BCAT1: variants seen among roughly 807,000 people sequenced by gnomAD.
The protein encoded by BCAT1 is branched-chain-amino-acid aminotransferase, cytosolic.
In BCAT1, 48 loss-of-function variants were observed where a neutral mutation model predicts 52.4. That is an observed-to-expected ratio of 0.92 (90% CI 0.73 to 1.16). The LOEUF is 1.16. Among genes scored for constraint, BCAT1 ranks in the 50% most tolerant of loss-of-function variants. The probability of loss-of-function intolerance (pLI) is 0.00; values close to 1 mark genes in which losing one functional copy is unlikely to be tolerated. For missense variants in BCAT1, 451 were observed against 457.1 expected, an observed-to-expected ratio of 0.99 and a Z score of 0.12; for synonymous variants, 167 against 161.3, an observed-to-expected ratio of 1.04 and a Z score of -0.27.
rs569423349 is a variant in BCAT1 at position 24,845,950 on chromosome 12, C to T, written c.675-3726G>A. On this transcript the variant is annotated intron_variant, in intron 6 of 10. Transcript: ENST00000261192. ...TTTTTCTCATTCGTAGACACAACTA[C>T]GAAGTAGTGAAGCAGTGAAGTTTTA... Among the ~76,000 whole-genome samples the T allele has an allele frequency of 6.5e-4, 99 of 152,174 alleles. 1 individual carries two copies. Among genetic ancestry groups the T allele is most frequent in the African/African-American group, 2.4e-3 (98 of 41,498 alleles).
At chr12:24,880,031 C>T (rs1243212970) in intron 4 of BCAT1, among the ~76,000 whole-genome samples, 1 of 152,210 alleles carries the variant, frequency 6.6e-6, no homozygotes, top group Non-Finnish European at 1.5e-5. Context: ...ACCTTAATTT[C>T]CCCTCTGCTA....
chr12:24,812,124 T>A lies in BCAT1; in HGVS notation c.*5884A>T, dbSNP rs1180620163. 6.6e-6 allele frequency: 1 copy of A among 152,106 alleles called. No homozygotes were observed. The highest frequency in any genetic ancestry group is 1.9e-4 in the East Asian group (1 of 5,202). The allele number at this position is 152,106 out of a possible 1,614,324, so 9.4% of individuals were successfully genotyped here. On this transcript the variant is annotated 3_prime_UTR_variant, in exon 11 of 11. Coordinates refer to ENST00000261192, the MANE Select transcript of BCAT1 (RefSeq NM_005504.7). ...TCTGCACTCTTCAAAAACTTATTGA[T>A]GAAGTACAAATTGAGGCAGAAATTT...
In BCAT1 at chr12:24,813,967, T is replaced by C. The variant is rs1234819077; in HGVS notation, c.*4041A>G. 1 of 152,110 alleles carries C rather than the reference T, an allele frequency of 6.6e-6. No individual in the cohort carries two copies. The highest frequency in any genetic ancestry group is 1.9e-4 in the East Asian group (1 of 5,194). 9.4% of individuals were successfully genotyped at this position (152,110 alleles called of 1,614,324 possible). The stretch of plus-strand genomic sequence containing the variant: ...CTATTGTTGGTTATGTCAACATTTA[T>C]CAAATGAACTATTAATAGAGTCTTC... On this transcript the variant is annotated 3_prime_UTR_variant, in exon 11 of 11. Coordinates refer to ENST00000261192, the MANE Select transcript of BCAT1 (RefSeq NM_005504.7).
chr12:24,934,098 T>C (rs993886342), intron 1 of BCAT1, among the ~76,000 whole-genome samples: 2 of 152,198 alleles, frequency 1.3e-5, no homozygotes, highest in Non-Finnish European at 2.9e-5. Flanking sequence ...CCAGCTTGCT[T>C]GTCTATGTGT....
At chr12:24,922,638 C>T (rs12371441) in intron 1 of BCAT1, among the ~76,000 whole-genome samples, 77,161 of 151,908 alleles carry the variant, frequency 0.51, 22,700 homozygotes, top group Non-Finnish European at 0.68. Flanking sequence ...TTTGGGAGGC[C>T]GAGGCAGGCG....
intron 3 of BCAT1, among the ~76,000 whole-genome samples, chr12:24,892,017 A>C (rs1942857648): frequency 1.3e-5 from 2 of 151,626 alleles, no homozygotes; most frequent in Admixed American, 1.3e-4. Flanking sequence ...TTGGCCTCCC[A>C]AAGTGCTGGT....
intron 10 of BCAT1, among the ~76,000 whole-genome samples, chr12:24,824,264 TTCATTCCCTCCCTCCC>T (rs1566553982): frequency 2.8e-5 from 4 of 145,230 alleles, no homozygotes; most frequent in Admixed American, 2.1e-4. Context: ...CCTTCCTTCC[TTCATTCCCTCCCTCCC>T]TCCCTCCCTC....
chr12:24,852,415 A>T (rs1941542719), intron 5 of BCAT1, among the ~76,000 whole-genome samples: 1 of 122,498 alleles, frequency 8.2e-6, no homozygotes, highest in Non-Finnish European at 1.8e-5. Context: ...TTGTGGACAA[A>T]CTAATAGCAT....
intron 8 of BCAT1, among the ~76,000 whole-genome samples, chr12:24,835,616 T>C (rs1940887741): frequency 6.6e-6 from 1 of 151,854 alleles, no homozygotes; most frequent in Non-Finnish European, 1.5e-5. Context: ...AGAGACATGG[T>C]CTCACCCTGT....
chr12:24,900,877 G>A (rs1386636407), intron 2 of BCAT1, among the ~76,000 whole-genome samples: 2 of 152,156 alleles, frequency 1.3e-5, no homozygotes, highest in African/African-American at 4.8e-5. Flanking sequence ...ATTGCAGTGA[G>A]CTGAGATCGT....
intron 7 of BCAT1, among the ~76,000 whole-genome samples, chr12:24,837,508 C>G (rs1293881905): frequency 6.7e-6 from 1 of 150,142 alleles, no homozygotes; most frequent in Admixed American, 6.6e-5. Context: ...CTCACTGCAC[C>G]CTCTGCCTCC....
At chr12:24,886,953 C>T (rs1942678970) in intron 3 of BCAT1, among the ~76,000 whole-genome samples, 1 of 147,828 alleles carries the variant, frequency 6.8e-6, no homozygotes, top group African/African-American at 2.5e-5. Context: ...ATCTCAGCTA[C>T]TTGGGAGGCT....
chr12:24,878,433 G>A, intron 5 of BCAT1, 97 bp downstream of exon 5: 1 of 1,132,972 alleles, frequency 8.8e-7, no homozygotes, highest in South Asian at 2.2e-5. Flanking sequence ...GATGCTACTG[G>A]GGGGCTACTG....
At chr12:24,881,269 G>C in intron 4 of BCAT1, 32 bp downstream of exon 4, 1 of 1,488,884 alleles carries the variant, frequency 6.7e-7, no homozygotes, top group Non-Finnish European at 9.3e-7. Context: ...TACATTAAAA[G>C]AAACACAAAA....
At chr12:24,854,179 G>T (rs1400841580) in intron 5 of BCAT1, among the ~76,000 whole-genome samples, 1 of 152,156 alleles carries the variant, frequency 6.6e-6, no homozygotes, top group South Asian at 2.1e-4. Flanking sequence ...TTATCAAAAG[G>T]CAGGATTTCA....
At chr12:24,849,469 C>T (rs756467475) in intron 6 of BCAT1, among the ~76,000 whole-genome samples, 9 of 152,232 alleles carry the variant, frequency 5.9e-5, no homozygotes, top group Non-Finnish European at 1.0e-4. Context: ...ATCCAAAGCA[C>T]CGATGTGATG....
intron 10 of BCAT1, among the ~76,000 whole-genome samples, chr12:24,828,312 T>G (rs1328276226): frequency 6.6e-6 from 1 of 152,252 alleles, no homozygotes; most frequent in Non-Finnish European, 1.5e-5. Context: ...ATCTCTTTTC[T>G]GAGTAGCCCA....
At chr12:24,922,877 A>G (rs969317015) in intron 1 of BCAT1, among the ~76,000 whole-genome samples, 1 of 152,034 alleles carries the variant, frequency 6.6e-6, no homozygotes, top group Non-Finnish European at 1.5e-5. Context: ...CTCTCAAAAA[A>G]AAAAAAAAAA....
intron 6 of BCAT1, among the ~76,000 whole-genome samples, chr12:24,844,433 A>G (rs1032796968): frequency 1.0e-4 from 15 of 149,972 alleles, no homozygotes; most frequent in African/African-American, 3.3e-4. Flanking sequence ...TTCCGTCTCA[A>G]AAAAATAAAT....
Sources: allele counts gnomAD v4.1 joint callset (sites outside exome capture counted in the v4.1 genomes callset), GRCh38; gene constraint gnomAD v4.1.1; transcripts MANE v1.5; gene names NCBI Gene and HGNC (gene_info 2026-07-23, HGNC 2026-07-21).